ARHGEF7: variants seen among roughly 807,000 people sequenced by gnomAD.
The protein encoded by ARHGEF7 is Rho guanine nucleotide exchange factor 7.
A neutral mutation model predicts 109.8 loss-of-function variants in ARHGEF7; 33 were observed. That is an observed-to-expected ratio of 0.30 (90% confidence interval 0.23 to 0.40). The LOEUF is 0.40. Among genes scored for constraint, ARHGEF7 ranks in the 10% least tolerant of loss-of-function variants. The pLI is 1.00. For missense variants in ARHGEF7, 938 were observed against 1,098.5 expected, an observed-to-expected ratio of 0.85 and a Z score of 2.07; for synonymous variants, 458 against 424.6, an observed-to-expected ratio of 1.08 and a Z score of -0.97.
At chr13:111,286,922 T>TG (rs1218498852) in intron 17 of ARHGEF7, among the ~76,000 whole-genome samples, 2 of 152,160 alleles carry the variant, frequency 1.3e-5, no homozygotes, top group African/African-American at 2.4e-5. Flanking sequence ...CTGGGAAAGT[T>TG]GCAGGATCTG....
chr13:111,296,752 T>C (rs2093436414), intron 19 of ARHGEF7, among the ~76,000 whole-genome samples: 1 of 152,206 alleles, frequency 6.6e-6, no homozygotes, highest in African/African-American at 2.4e-5. Flanking sequence ...TAAGTGAGTA[T>C]TTTTATGGCA....
At chr13:111,167,440 C>T (rs150817250) in intron 2 of ARHGEF7, among the ~76,000 whole-genome samples, 85 of 152,312 alleles carry the variant, frequency 5.6e-4, no homozygotes, top group African/African-American at 1.9e-3. Context: ...TTTACTTCCT[C>T]CTTTCCATAT....
intron 5 of ARHGEF7, among the ~76,000 whole-genome samples, chr13:111,219,576 C>A (rs919810494): frequency 6.6e-6 from 1 of 151,624 alleles, no homozygotes; most frequent in Non-Finnish European, 1.5e-5. Flanking sequence ...TTTTCCCCAG[C>A]GGCTGGACCA....
rs145732000 is a variant in ARHGEF7, at chr13:111,115,525, C to T, written c.-2C>T. On this transcript the variant is annotated 5_prime_UTR_variant, in exon 1 of 22. Coordinates refer to ENST00000646102, the MANE Select transcript of ARHGEF7 (RefSeq NM_001354046.2). The stretch of plus-strand genomic sequence containing the variant: ...TCCCCGCCTGCCTCCCGGGCCGCAG[C>T]GATGAATTCCGCCGAGCAAACCGTT... 3 of 1,354,696 alleles carry T rather than the reference C, an allele frequency of 2.2e-6. No homozygotes were observed. The highest frequency in any genetic ancestry group is 1.5e-5 in the African/African-American group (1 of 65,478). 83.9% of individuals were successfully genotyped at this position (1,354,696 alleles called of 1,614,324 possible). A position where few individuals can be genotyped will look rare whatever the true frequency, so the allele number is the denominator to read the frequency against.
At chr13:111,232,239 G>A (rs1219752921) in intron 5 of ARHGEF7, among the ~76,000 whole-genome samples, 1 of 152,026 alleles carries the variant, frequency 6.6e-6, no homozygotes, top group Non-Finnish European at 1.5e-5. Flanking sequence ...GAGAGACAGA[G>A]GGACCCACCC....
At chr13:111,182,160 T>C (rs2078805212) in intron 2 of ARHGEF7, 1 of 152,200 alleles carries the variant, frequency 6.6e-6, no homozygotes, top group African/African-American at 2.4e-5. Context: ...AGCAGTCTCG[T>C]TGATCTTCAC....
chr13:111,303,129 C>A lies in ARHGEF7; in HGVS notation c.*16C>A. ...CAATCTATAAGGGATGTCCTCAGTT[C>A]TTTCTGTTGAAGACCAGTTCTGAGG... On this transcript the variant is annotated 3_prime_UTR_variant, in exon 22 of 22. Transcript: ENST00000646102. The A allele has an allele frequency of 6.5e-7, 1 of 1,534,392 alleles. No individual in the cohort carries two copies. Among genetic ancestry groups the A allele is most frequent in the South Asian group, 1.1e-5 (1 of 89,388 alleles).
chr13:111,230,766 CG>C (rs968782156), intron 5 of ARHGEF7, among the ~76,000 whole-genome samples: 28 of 152,242 alleles, frequency 1.8e-4, no homozygotes, highest in African/African-American at 5.8e-4. Flanking sequence ...TTCTGGGGAA[CG>C]TGATCTTGAC....
chr13:111,192,808 T>G (rs1447023711), intron 2 of ARHGEF7, among the ~76,000 whole-genome samples: 2 of 152,230 alleles, frequency 1.3e-5, no homozygotes, highest in African/African-American at 2.4e-5. Context: ...ATTTCATGAA[T>G]TAGGACTTTA....
At chr13:111,127,720 A>T (rs1214254009) in intron 1 of ARHGEF7, among the ~76,000 whole-genome samples, 1 of 151,730 alleles carries the variant, frequency 6.6e-6, no homozygotes, top group Non-Finnish European at 1.5e-5. Context: ...TACTTCCCAA[A>T]CCATTCTAAG....
chr13:111,223,311 G>A (rs2084725575), intron 5 of ARHGEF7, among the ~76,000 whole-genome samples: 1 of 152,174 alleles, frequency 6.6e-6, no homozygotes, highest in South Asian at 2.1e-4. Flanking sequence ...ACAAAATTGT[G>A]CCAGGTTCCA....
At chr13:111,136,179 G>A (rs928466177) in intron 1 of ARHGEF7, among the ~76,000 whole-genome samples, 1 of 152,134 alleles carries the variant, frequency 6.6e-6, no homozygotes, top group Non-Finnish European at 1.5e-5. Context: ...TTTTTGATGT[G>A]CTCCTGGATT....
intron 6 of ARHGEF7, among the ~76,000 whole-genome samples, chr13:111,234,323 T>C (rs1407405271): frequency 1.3e-5 from 2 of 152,198 alleles, no homozygotes; most frequent in African/African-American, 2.4e-5. Context: ...GCTGCGGGGC[T>C]TGCACTCTCA....
At chr13:111,221,696 G>A (rs2084421511) in intron 5 of ARHGEF7, among the ~76,000 whole-genome samples, 1 of 114,786 alleles carries the variant, frequency 8.7e-6, no homozygotes, top group African/African-American at 3.0e-5. Flanking sequence ...TAAACCCCTT[G>A]ATATATCTAT....
chr13:111,294,049 G>A (rs2093365804), intron 19 of ARHGEF7: 1 of 985,420 alleles, frequency 1.0e-6, no homozygotes, highest in Non-Finnish European at 1.2e-6. Context: ...ACCATTGGAA[G>A]ATTTTGTATT....
intron 1 of ARHGEF7, among the ~76,000 whole-genome samples, chr13:111,119,692 A>G (rs1009972455): frequency 1.2e-4 from 18 of 152,208 alleles, no homozygotes; most frequent in African/African-American, 3.9e-4. Flanking sequence ...GCTTGCAGAA[A>G]ATCAGCAAAT....
chr13:111,148,693 G>A (rs929239309), intron 1 of ARHGEF7, among the ~76,000 whole-genome samples: 3 of 152,168 alleles, frequency 2.0e-5, no homozygotes, highest in Admixed American at 6.5e-5. Flanking sequence ...CTGCAAGATG[G>A]AAAACTTCCA....
rs2091651095 is a variant in ARHGEF7 at position 111,266,481 on chromosome 13, C to G, written c.951-1067C>G. Among the ~76,000 whole-genome samples, 1 of 152,170 alleles carries G rather than the reference C, an allele frequency of 6.6e-6. No homozygotes were observed. The highest frequency in any genetic ancestry group is 2.4e-5 in the African/African-American group (1 of 41,440). ...TGCTTATATTTTTGGTTTTCTGTAT[C>G]ATGAACTTTTATTCTGATGTGGAAT... On this transcript the variant is annotated intron_variant, in intron 8 of 21. Transcript: ENST00000646102. The surrounding 1 kb of genome is among the most constrained non-coding windows in gnomAD (Gnocchi z 4.8).
At chr13:111,176,657 C>T (rs2078194163) in intron 2 of ARHGEF7, among the ~76,000 whole-genome samples, 1 of 152,218 alleles carries the variant, frequency 6.6e-6, no homozygotes, top group Non-Finnish European at 1.5e-5. Flanking sequence ...CGCGTGCGGA[C>T]GTTTGTCCTC....
Sources: gnomAD v4.1 joint callset for allele counts (sites outside exome capture counted in the v4.1 genomes callset) on GRCh38, gnomAD v4.1.1 for gene constraint, Gnocchi (gnomAD v3.1) non-coding constraint, MANE v1.5 for transcripts, NCBI Gene and HGNC (gene_info 2026-07-23, HGNC 2026-07-21) for gene names.